The following TM7SF3 variants were observed in gnomAD, a reference collection of about 807,000 sequenced individuals.
The protein encoded by TM7SF3 is transmembrane 7 superfamily member 3.
A neutral mutation model predicts 65.5 loss-of-function variants in TM7SF3; 60 were observed. The observed-to-expected ratio is 0.92, with a 90% CI of 0.74 to 1.14. The LOEUF (loss-of-function observed/expected upper bound fraction) is 1.14, where lower values mean the gene tolerates loss of function less well. TM7SF3 is among the 50% of genes most tolerant of loss of function. The probability of loss-of-function intolerance (pLI) is 0.00; values close to 1 mark genes in which losing one functional copy is unlikely to be tolerated. For synonymous variants in TM7SF3, 264 were observed against 259.6 expected, an observed-to-expected ratio of 1.02 and a Z score of -0.16; for missense variants, 623 against 684.8, an observed-to-expected ratio of 0.91 and a Z score of 1.01.
In TM7SF3 at chr12:26,974,152, C is replaced by G; in HGVS notation, c.1526G>C (p.Arg509Pro). The G allele has an allele frequency of 6.2e-7, 1 of 1,614,164 alleles. No individual in the cohort carries two copies. The highest frequency in any genetic ancestry group is 1.1e-5 in the South Asian group (1 of 91,080). The change falls in exon 12 of 12, where the codon CGA (arginine) becomes CCA (proline). Residue 509 changes from arginine (R) to proline (P), a missense_variant. Arg to Pro is a moderately radical substitution (Grantham distance 103). Transcript: ENST00000343028. Reference protein sequence around the residue: ...ITLQIRRERGRPFFPPHPYKL... With the variant: ...ITLQIRRERGPPFFPPHPYKL... ...GTATGGGTGGGGAGGGAAGAACGGT[C>G]GTCCTCTCTCTCTTCGAATCTGTAA...
At chr12:26,990,712 A>G (rs1457968338) in intron 5 of TM7SF3, 85 bp from the exon 6 acceptor site, 2 of 987,726 alleles carry the variant, frequency 2.0e-6, no homozygotes, top group East Asian at 2.5e-5. Flanking sequence ...GTAATATTAA[A>G]TGGTATATTC....
At chr12:26,988,672 T>TTGTGTGTGTGTGTGTGTG (rs147021582) in intron 6 of TM7SF3, among the ~76,000 whole-genome samples, 1 of 146,228 alleles carries the variant, frequency 6.8e-6, no homozygotes, top group East Asian at 2.0e-4. Flanking sequence ...GAGAAGAAAA[T>TTGTGTGTGTGTGTGTGTG]TGTGTGTGTG....
At chr12:26,987,671 C>T (rs1940159381) in intron 6 of TM7SF3, among the ~76,000 whole-genome samples, 1 of 152,172 alleles carries the variant, frequency 6.6e-6, no homozygotes, top group Admixed American at 6.5e-5. Flanking sequence ...TAGAGAAACA[C>T]CATTTGGCAA....
At chr12:26,990,007 C>T (rs1367599295) in intron 6 of TM7SF3, among the ~76,000 whole-genome samples, 1 of 152,188 alleles carries the variant, frequency 6.6e-6, no homozygotes, top group Non-Finnish European at 1.5e-5. Context: ...CCCCTGTCAT[C>T]ACTGCAGTTC....
chr12:26,975,409 A>G (rs1281966831), intron 11 of TM7SF3, 87 bp downstream of exon 11: 14 of 1,413,048 alleles, frequency 9.9e-6, no homozygotes, highest in Non-Finnish European at 1.3e-5. Context: ...CTTTCTTTAA[A>G]TTTAGTTTCC....
chr12:27,001,613 T>C (rs1940835096), intron 2 of TM7SF3, among the ~76,000 whole-genome samples: 1 of 152,200 alleles, frequency 6.6e-6, no homozygotes. Context: ...TATAAACCCT[T>C]ATTTCACCCA....
At chr12:27,006,557 T>C (rs1941045313) in intron 1 of TM7SF3, among the ~76,000 whole-genome samples, 1 of 152,242 alleles carries the variant, frequency 6.6e-6, no homozygotes, top group South Asian at 2.1e-4. Flanking sequence ...GTAATATTTT[T>C]CTAGAAAATA....
At chr12:27,005,195 C>G (rs1187875005) in intron 1 of TM7SF3, among the ~76,000 whole-genome samples, 1 of 152,180 alleles carries the variant, frequency 6.6e-6, no homozygotes, top group Non-Finnish European at 1.5e-5. Context: ...AATTCCCACC[C>G]GTATTGGCAG....
At chr12:26,983,122 A>C (rs1939888617) in intron 6 of TM7SF3, among the ~76,000 whole-genome samples, 1 of 152,036 alleles carries the variant, frequency 6.6e-6, no homozygotes, top group Non-Finnish European at 1.5e-5. Flanking sequence ...AACACTTCCT[A>C]TGACATATTC....
At chr12:27,002,041 C>A (rs1277240388) in intron 2 of TM7SF3, among the ~76,000 whole-genome samples, 2 of 152,150 alleles carry the variant, frequency 1.3e-5, no homozygotes, top group Non-Finnish European at 2.9e-5. Flanking sequence ...CACACATACC[C>A]CACAACACAC....
intron 7 of TM7SF3, 115 bp from the exon 8 acceptor site, chr12:26,980,761 G>A (rs1240369632): frequency 3.6e-6 from 2 of 558,566 alleles, no homozygotes; most frequent in African/African-American, 2.0e-5. Flanking sequence ...TTAAGCTCCT[G>A]GAATTTACAT....
chr12:26,994,696 G>T (rs559145172), intron 5 of TM7SF3, among the ~76,000 whole-genome samples: 1 of 152,184 alleles, frequency 6.6e-6, no homozygotes, highest in African/African-American at 2.4e-5. Context: ...GTAGTTCCAG[G>T]GTGGAGTTTA....
intron 7 of TM7SF3, among the ~76,000 whole-genome samples, chr12:26,982,228 G>T (rs533209803): frequency 5.9e-4 from 89 of 152,104 alleles, no homozygotes; most frequent in African/African-American, 2.0e-3. Flanking sequence ...GAGAAACAGG[G>T]TCTCACCGAG....
intron 2 of TM7SF3, among the ~76,000 whole-genome samples, chr12:27,002,177 A>G (rs1385895515): frequency 5.3e-5 from 8 of 152,206 alleles, no homozygotes; most frequent in Admixed American, 5.2e-4. Context: ...AATATTATAT[A>G]TGGGCTGGGG....
At chr12:27,001,260 T>C (rs1321744068) in intron 2 of TM7SF3, among the ~76,000 whole-genome samples, 7 of 152,064 alleles carry the variant, frequency 4.6e-5, no homozygotes, top group Admixed American at 4.6e-4. Context: ...GTCCAAGAAA[T>C]AAAATGATAA....
At chr12:26,990,090 C>G (rs988930156) in intron 6 of TM7SF3, among the ~76,000 whole-genome samples, 2 of 152,178 alleles carry the variant, frequency 1.3e-5, no homozygotes, top group Non-Finnish European at 2.9e-5. Flanking sequence ...ACATGCCACA[C>G]CCAGGTACGT....
At chr12:27,008,819 G>A (rs1941140282) in intron 1 of TM7SF3, among the ~76,000 whole-genome samples, 1 of 152,098 alleles carries the variant, frequency 6.6e-6, no homozygotes, top group African/African-American at 2.4e-5. Flanking sequence ...TATGTAATGT[G>A]TACACATGGG....
chr12:26,980,495 A>G, intron 8 of TM7SF3, 71 bp downstream of exon 8: 1 of 814,290 alleles, frequency 1.2e-6, no homozygotes, highest in East Asian at 2.5e-5. Context: ...CAAACTGTAG[A>G]AGGAAAGGTG....
Position 27,014,203 on chromosome 12 carries a change from T to G in TM7SF3, c.-35A>C. 6.5e-7 allele frequency: 1 copy of G among 1,545,772 alleles called. No homozygotes were observed. The highest frequency in any genetic ancestry group is 8.7e-7 in the Non-Finnish European group (1 of 1,143,310). On this transcript the variant is annotated 5_prime_UTR_variant, in exon 1 of 12. Coordinates refer to ENST00000343028, the MANE Select transcript of TM7SF3 (RefSeq NM_016551.3). ...GGCCGGGCTGGGCCCACGCCAGGGCTGGGGAGAGGTGCGGGCGTGCGCGCC... is the reference window on the plus strand; with the variant it reads ...GGCCGGGCTGGGCCCACGCCAGGGCGGGGGAGAGGTGCGGGCGTGCGCGCC...
Sources: gnomAD v4.1 joint callset for allele counts (sites outside exome capture counted in the v4.1 genomes callset) on GRCh38, gnomAD v4.1.1 for gene constraint, MANE v1.5 for transcripts, NCBI Gene and HGNC (gene_info 2026-07-23, HGNC 2026-07-21) for gene names.